IQGAP1: variants seen among roughly 807,000 people sequenced by gnomAD.
The protein encoded by IQGAP1 is IQ motif containing GTPase activating protein 1.
IQGAP1 carries 66 observed loss-of-function variants against 215.6 expected under a neutral mutation model. The observed-to-expected ratio is 0.31, with a 90% CI of 0.25 to 0.38. IQGAP1 has a LOEUF of 0.38. IQGAP1 is among the 10% of genes least tolerant of loss of function. The pLI is 1.00. For missense variants in IQGAP1, 1,712 were observed against 1,997.1 expected, an observed-to-expected ratio of 0.86 and a Z score of 2.72; for synonymous variants, 772 against 728.7, an observed-to-expected ratio of 1.06 and a Z score of -0.96.
chr15:90,429,494 G>T lies in IQGAP1; in HGVS notation c.313-95G>T, dbSNP rs532478242. ...ATGACATCAAAATTAAGGAAAATTT[G>T]TCAAATCTCTTGAGGAAACTTTTGC... On this transcript the variant is annotated intron_variant, in intron 3 of 37. Transcript: ENST00000268182. 1.1e-4 allele frequency: 104 copies of T among 907,620 alleles called. No individual in the cohort carries two copies. The East Asian group carries it at 2.7e-3, about 23-fold the overall frequency. The allele number at this position is 907,620 out of a possible 1,614,324, so 56.2% of individuals were successfully genotyped here. A position where few individuals can be genotyped will look rare whatever the true frequency, so the allele number is the denominator to read the frequency against.
At chr15:90,481,420 A>C (rs974542815) in intron 26 of IQGAP1, among the ~76,000 whole-genome samples, 14 of 151,860 alleles carry the variant, frequency 9.2e-5, no homozygotes, top group African/African-American at 3.4e-4. Context: ...GTTTCTAACA[A>C]AGTCCAGATT....
intron 36 of IQGAP1, 92 bp downstream of exon 36, chr15:90,494,927 GTTAC>G: frequency 1.2e-6 from 1 of 841,528 alleles, no homozygotes. Context: ...TTTCTGGATG[GTTAC>G]TTTTAGTATT....
chr15:90,420,531 G>C (rs1965118750), intron 2 of IQGAP1, among the ~76,000 whole-genome samples: 1 of 152,196 alleles, frequency 6.6e-6, no homozygotes, highest in African/African-American at 2.4e-5. Context: ...CCTGCTTCCT[G>C]ATTTGGCTGA....
chr15:90,460,585 G>A (rs559587896), intron 15 of IQGAP1, among the ~76,000 whole-genome samples: 1 of 152,274 alleles, frequency 6.6e-6, no homozygotes, highest in South Asian at 2.1e-4. Context: ...GATGGTAGGA[G>A]GGGCAGATTG....
rs1966207785 is a variant in IQGAP1 at position 90,491,731 on chromosome 15, C to T, written c.4461+186C>T. On this transcript the variant is annotated intron_variant, in intron 34 of 37. Coordinates refer to ENST00000268182, the MANE Select transcript of IQGAP1 (RefSeq NM_003870.4). ...CGACCTGAGGTGGCTTATTCCATGG[C>T]CTAAATTACTAGGGAGAGGACCTTA... 4 of 584,756 alleles carry T rather than the reference C, an allele frequency of 6.8e-6. No individual in the cohort carries two copies. In the Admixed American group the frequency reaches 9.0e-5, roughly 13 times the overall value. 36.2% of individuals were successfully genotyped at this position (584,756 alleles called of 1,614,324 possible).
intron 30 of IQGAP1, 99 bp downstream of exon 30, chr15:90,484,451 A>G: frequency 1.2e-6 from 1 of 848,956 alleles, no homozygotes; most frequent in Non-Finnish European, 1.9e-6. Flanking sequence ...ACCTTCCTGT[A>G]ATCTAACTGA....
chr15:90,464,665 A>G (rs1965806107), intron 15 of IQGAP1, among the ~76,000 whole-genome samples: 1 of 152,088 alleles, frequency 6.6e-6, no homozygotes, highest in African/African-American at 2.4e-5. Context: ...CCTGGCTAAC[A>G]TGGTGAAACC....
At chr15:90,467,916 C>A (rs143368352) in intron 18 of IQGAP1, among the ~76,000 whole-genome samples, 1 of 152,318 alleles carries the variant, frequency 6.6e-6, no homozygotes, top group East Asian at 1.9e-4. Context: ...AGTCTCTCTT[C>A]TAACTGTTCC....
intron 2 of IQGAP1, among the ~76,000 whole-genome samples, chr15:90,419,140 GAAAA>G (rs200209041): frequency 2.7e-5 from 3 of 112,148 alleles, no homozygotes; most frequent in Non-Finnish European, 5.9e-5. Flanking sequence ...TCTCAAAAAA[GAAAA>G]AAAAAAAAAA....
chr15:90,458,680 A>G (rs1357375644), intron 15 of IQGAP1, among the ~76,000 whole-genome samples: 1 of 152,238 alleles, frequency 6.6e-6, no homozygotes, highest in African/African-American at 2.4e-5. Flanking sequence ...TAATAAAATG[A>G]ATCAAAGACA....
chr15:90,396,805 C>T (rs1964727019), intron 2 of IQGAP1, among the ~76,000 whole-genome samples: 1 of 151,966 alleles, frequency 6.6e-6, no homozygotes. Context: ...CCTAATGTGG[C>T]TGCCGAAAGC....
At chr15:90,410,369 A>G (rs946922786) in intron 2 of IQGAP1, among the ~76,000 whole-genome samples, 2 of 152,228 alleles carry the variant, frequency 1.3e-5, no homozygotes, top group African/African-American at 4.8e-5. Flanking sequence ...TCATGCTGCT[A>G]TAAAGACACA....
intron 37 of IQGAP1, among the ~76,000 whole-genome samples, chr15:90,498,255 T>C (rs1259616869): frequency 6.6e-6 from 1 of 152,128 alleles, no homozygotes; most frequent in Admixed American, 6.5e-5. Context: ...TTCTTAGTCA[T>C]CTTCGTTTCC....
chr15:90,401,057 G>A (rs1477064272), intron 2 of IQGAP1, among the ~76,000 whole-genome samples: 1 of 152,218 alleles, frequency 6.6e-6, no homozygotes, highest in Non-Finnish European at 1.5e-5. Flanking sequence ...GTGGTTGTTT[G>A]CTTAACTCAG....
chr15:90,469,687 A>T (rs1965879664), intron 18 of IQGAP1, among the ~76,000 whole-genome samples: 3 of 152,148 alleles, frequency 2.0e-5, no homozygotes, highest in Non-Finnish European at 4.4e-5. Context: ...TCTTAAGGGA[A>T]TTTTTCATTT....
At position 90,422,632 on chromosome 15, in the gene IQGAP1, ATATATATGTATATGTATATATATATATG is replaced by A. The variant is rs1241061176; in HGVS notation, c.156-3470_156-3443del. On this transcript the variant is annotated intron_variant, in intron 2 of 37. Transcript: ENST00000268182. ...TTCATATATATATATATATGTATAT[ATATATATGTATATGTATATATATATATG>A]TATATATATATATATATATAATTTT... 0.02 allele frequency among the ~76,000 whole-genome samples: 1,376 copies of A among 68,978 alleles called. 71 individuals carry two copies. In the East Asian group the frequency reaches 0.27, roughly 13 times the overall value. The allele number at this position is 68,978 out of a possible 152,430, so 45.3% of individuals were successfully genotyped here. A position where few individuals can be genotyped will look rare whatever the true frequency, so the allele number is the denominator to read the frequency against.
At chr15:90,495,875 G>A (rs1056505737) in intron 36 of IQGAP1, among the ~76,000 whole-genome samples, 1 of 149,988 alleles carries the variant, frequency 6.7e-6, no homozygotes, top group Non-Finnish European at 1.5e-5. Flanking sequence ...CTGACCTCAT[G>A]TGATTCACCC....
rs774458821 is a variant in IQGAP1 at position 90,472,867 on chromosome 15, T to C, written c.2206T>C (p.Tyr736His). The stretch of plus-strand genomic sequence containing the variant: ...TTCTATCTCTGGGGTGACTGCCGCA[T>C]ATAACCGAGAACAGCTGTGGCTGGC... ...QSSISGVTAA[Y>H]NREQLWLANE... The change falls in exon 19 of 38, where the codon TAT becomes CAT. Residue 736 changes from tyrosine (Y) to histidine (H), a missense_variant. Tyr to His is a moderately conservative substitution (Grantham distance 83). This residue lies in a region of IQGAP1 where 1,021 missense variants were observed against 1,074.2 expected (regional missense o/e 0.95). Transcript: ENST00000268182. 6.2e-7 allele frequency: 1 copy of C among 1,613,434 alleles called. No individual in the cohort carries two copies. The highest frequency in any genetic ancestry group is 8.5e-7 in the Non-Finnish European group (1 of 1,179,564).
intron 34 of IQGAP1, chr15:90,491,775 C>T (rs1966208674): frequency 2.1e-6 from 1 of 478,810 alleles, no homozygotes; most frequent in Non-Finnish European, 3.7e-6. Context: ...CTCCTATGAC[C>T]TTAAAGAATT....
Sources: gnomAD v4.1 joint callset for allele counts (sites outside exome capture counted in the v4.1 genomes callset) on GRCh38, gnomAD v4.1.1 for gene constraint, gnomAD v4.1.1 regional missense constraint, MANE v1.5 for transcripts, NCBI Gene and HGNC (gene_info 2026-07-23, HGNC 2026-07-21) for gene names.